Variants in ABCE1 observed in about 807,000 individuals in gnomAD.
ABCE1 encodes the protein ATP-binding cassette sub-family E member 1.
Under a neutral mutation model 83.4 loss-of-function variants are expected in ABCE1, and 22 were observed. The observed-to-expected ratio is 0.26, with a 90% CI of 0.19 to 0.38. The LOEUF (loss-of-function observed/expected upper bound fraction) is 0.38, where lower values mean the gene tolerates loss of function less well. ABCE1 is among the 10% of genes least tolerant of loss of function. The pLI is 1.00. For synonymous variants in ABCE1, 204 were observed against 233.7 expected (o/e 0.87, Z 1.16); for missense variants, 330 against 721.9 (o/e 0.46, Z 6.22).
Position 145,118,088 on chromosome 4 carries a change from T to C in ABCE1, c.922+674T>C, listed in dbSNP as rs1242179933. 2.6e-5 allele frequency among the ~76,000 whole-genome samples: 4 copies of C among 151,646 alleles called. 1 individual carries two copies. In the East Asian group the frequency reaches 7.7e-4, roughly 29 times the overall value. ...TCCCATTTTCCTTTCACTGCTTCCT[T>C]ACTTGTGTCTTATTTTTATTTTTCT... is the stretch of plus-strand genomic sequence containing the variant. On this transcript the variant is annotated intron_variant, in intron 10 of 17. Transcript: ENST00000296577.
At chr4:145,108,691 G>T (rs1015414350) in intron 4 of ABCE1, among the ~76,000 whole-genome samples, 3 of 150,798 alleles carry the variant, frequency 2.0e-5, no homozygotes, top group African/African-American at 7.5e-5. Context: ...AGAAGGAAGT[G>T]GAATATTTCT....
intron 7 of ABCE1, 75 bp downstream of exon 7, chr4:145,110,519 A>G: frequency 6.9e-7 from 1 of 1,447,878 alleles, no homozygotes; most frequent in Non-Finnish European, 9.6e-7. Flanking sequence ...CTTGTTGCCC[A>G]GGCTGGGGTG....
chr4:145,123,171 A>T, intron 14 of ABCE1, 40 bp downstream of exon 14: 19 of 1,585,806 alleles, frequency 1.2e-5, no homozygotes, highest in Non-Finnish European at 1.6e-5. Context: ...TATTATTTTG[A>T]ATTTTGGATG....
chr4:145,125,485 T>TA (rs1749855676), intron 17 of ABCE1, among the ~76,000 whole-genome samples: 1 of 151,978 alleles, frequency 6.6e-6, no homozygotes, highest in South Asian at 2.1e-4. Flanking sequence ...AAAAATAAAT[T>TA]AAAAAACAAC....
At chr4:145,105,102 T>C (rs1328658168) in intron 2 of ABCE1, among the ~76,000 whole-genome samples, 1 of 152,106 alleles carries the variant, frequency 6.6e-6, no homozygotes, top group Non-Finnish European at 1.5e-5. Flanking sequence ...TGTCATCTGT[T>C]ATTGTCTCCT....
At chr4:145,124,860 A>G (rs549670891) in intron 16 of ABCE1, 130 bp from the exon 17 acceptor site, 1 of 625,516 alleles carries the variant, frequency 1.6e-6, no homozygotes, top group African/African-American at 1.8e-5. Flanking sequence ...TGCTGTTATT[A>G]TACTGTTATC....
intron 5 of ABCE1, among the ~76,000 whole-genome samples, chr4:145,109,493 A>G (rs926849807): frequency 2.0e-5 from 3 of 152,202 alleles, no homozygotes; most frequent in East Asian, 1.9e-4. Context: ...CTGCTGTATT[A>G]CACACGTTTC....
In ABCE1 at chr4:145,108,122, C is replaced by T; in HGVS notation, c.287+10C>T. The T allele has an allele frequency of 6.2e-7, 1 of 1,606,360 alleles. No homozygotes were observed. Among genetic ancestry groups the T allele is most frequent in the Non-Finnish European group, 8.5e-7 (1 of 1,173,932 alleles). On this transcript the variant is annotated intron_variant, in intron 4 of 17. Coordinates refer to ENST00000296577, the MANE Select transcript of ABCE1 (RefSeq NM_002940.3). ...CCTTCAAACTTCACAGGTATATTTT[C>T]ACATCAGGATTCCTCTTCTGTCAAG...
intron 2 of ABCE1, among the ~76,000 whole-genome samples, chr4:145,104,888 T>G (rs1749255897): frequency 6.6e-6 from 1 of 151,844 alleles, no homozygotes; most frequent in Admixed American, 6.6e-5. Flanking sequence ...TTGACAGTAT[T>G]TTCATATTTA....
intron 1 of ABCE1, 124 bp from the exon 2 acceptor site, chr4:145,104,262 A>ATTT (rs4148237): frequency 1.3e-5 from 5 of 371,958 alleles, no homozygotes; most frequent in African/African-American, 1.1e-4. Flanking sequence ...CAAAATTTAT[A>ATTT]TTTTTTTTTT....
rs889895536 is a variant in ABCE1 at position 145,129,434 on chromosome 4, TAAAA to T, written c.*1865_*1868del. Among the ~76,000 whole-genome samples the T allele has an allele frequency of 6.6e-6, 1 of 152,018 alleles. No homozygotes were observed. Among genetic ancestry groups the T allele is most frequent in the South Asian group, 2.1e-4 (1 of 4,824 alleles). On this transcript the variant is annotated 3_prime_UTR_variant, in exon 18 of 18. Coordinates refer to ENST00000296577, the MANE Select transcript of ABCE1 (RefSeq NM_002940.3). ...CTAATTGGAAAAAGTCTCAAATACTTAAAAAAACAAAAAACTGGAACAGTTTATT... is the reference window on the plus strand; with the variant it reads ...CTAATTGGAAAAAGTCTCAAATACTTAAACAAAAAACTGGAACAGTTTATT...
intron 17 of ABCE1, among the ~76,000 whole-genome samples, chr4:145,126,966 A>T (rs1749904035): frequency 6.6e-6 from 1 of 152,090 alleles, no homozygotes; most frequent in South Asian, 2.1e-4. Context: ...CATTAAGGAC[A>T]CTTTGTATTG....
rs1021206387 is a variant in ABCE1 at position 145,109,971 on chromosome 4, G to A, written c.406-132G>A. On this transcript the variant is annotated intron_variant, in intron 5 of 17. Transcript: ENST00000296577. ...GGGAAATGAGACTTTTATTAATTAT[G>A]TTCGCCTCCAACCTTAAGTTAAAAG... 9.5e-6 allele frequency: 7 copies of A among 740,172 alleles called. No individual in the cohort carries two copies. The African/African-American group carries it at 1.3e-4, about 14-fold the overall frequency. 45.9% of individuals were successfully genotyped at this position (740,172 alleles called of 1,614,324 possible).
intron 4 of ABCE1, 120 bp downstream of exon 4, chr4:145,108,232 A>G: frequency 6.0e-6 from 5 of 838,162 alleles, no homozygotes; most frequent in East Asian, 2.6e-5. Flanking sequence ...AGGAAAATAC[A>G]ATATTATAAC....
chr4:145,125,153 C>A (rs760780984), intron 17 of ABCE1, 52 bp downstream of exon 17: 1 of 1,268,762 alleles, frequency 7.9e-7, no homozygotes, highest in Non-Finnish European at 1.1e-6. Context: ...AGTATAAACA[C>A]TTGAAAGGCT....
At chr4:145,121,453 A>T in intron 13 of ABCE1, 62 bp downstream of exon 13, 1 of 1,202,046 alleles carries the variant, frequency 8.3e-7, no homozygotes, top group Non-Finnish European at 1.2e-6. Context: ...TATAGCTTTC[A>T]TCTTTTACTA....
chr4:145,098,476 GAAT>G (rs1183990381), intron 1 of ABCE1, 57 bp downstream of exon 1: 1 of 152,458 alleles, frequency 6.6e-6, no homozygotes, highest in Admixed American at 6.5e-5. Flanking sequence ...AGGTTGGAAA[GAAT>G]GTAGGGACGT....
chr4:145,110,825 A>C, intron 7 of ABCE1, 143 bp from the exon 8 acceptor site: 1 of 595,768 alleles, frequency 1.7e-6, no homozygotes, highest in Non-Finnish European at 2.9e-6. Context: ...CTTTATGTGG[A>C]TTACTGAAAA....
intron 2 of ABCE1, 69 bp downstream of exon 2, chr4:145,104,584 C>A (rs919296920): frequency 3.0e-6 from 3 of 1,015,520 alleles, no homozygotes; most frequent in Admixed American, 5.8e-5. Context: ...TTTGATAATT[C>A]TTTACGGACA....
Sources: gnomAD v4.1 joint callset for allele counts (sites outside exome capture counted in the v4.1 genomes callset) on GRCh38, gnomAD v4.1.1 for gene constraint, MANE v1.5 for transcripts, NCBI Gene and HGNC (gene_info 2026-07-23, HGNC 2026-07-21) for gene names.